Variants in ANKUB1 observed in about 807,000 individuals in gnomAD.
The protein encoded by ANKUB1 is protein ANKUB1.
In ANKUB1, 42 loss-of-function variants were observed where a neutral mutation model predicts 49.3. That is an observed-to-expected ratio of 0.85 (90% CI 0.67 to 1.10). The LOEUF is 1.10. ANKUB1 is among the 50% of genes least tolerant of loss of function. The pLI, the probability that ANKUB1 is intolerant of heterozygous loss-of-function variation, is 0.00. For missense variants in ANKUB1, 613 were observed against 642.0 expected (o/e 0.95, Z 0.49); for synonymous variants, 222 against 231.0 (o/e 0.96, Z 0.35).
chr3:149,761,511 A>G lies in ANKUB1; in HGVS notation c.1608T>C (p.Cys536=), dbSNP rs1277918805. 4 of 1,551,344 alleles carry G rather than the reference A, an allele frequency of 2.6e-6. No individual in the cohort carries two copies. Among genetic ancestry groups the G allele is most frequent in the Non-Finnish European group, 3.5e-6 (4 of 1,146,810 alleles). ...NLTTRGGLTA[C]ENSLETVL ...AAAGCACAGTTTCTAGAGAGTTTTC[A>G]CACGCTGTCAGACCTCCTCGGGTAG... The change falls in exon 6 of 6, where the codon TGT becomes TGC. Residue 536 remains cysteine (C), a synonymous_variant. Transcript: ENST00000446160.
chr3:149,768,099 A>G lies in ANKUB1; in HGVS notation c.567-4T>C, dbSNP rs1331522554. 2.2e-6 allele frequency: 3 copies of G among 1,349,868 alleles called. No individual in the cohort carries two copies. Among genetic ancestry groups the G allele is most frequent in the Non-Finnish European group, 1.9e-6 (2 of 1,041,168 alleles). 83.6% of individuals were successfully genotyped at this position (1,349,868 alleles called of 1,614,324 possible). A position where few individuals can be genotyped will look rare whatever the true frequency, so the allele number is the denominator to read the frequency against. The stretch of plus-strand genomic sequence containing the variant: ...CAGGGCTACCCTTTTCTGATACCTA[A>G]ATGAGTGAAACAAGTGGGGAGGGGG... On this transcript the variant is annotated splice_region_variant and splice_polypyrimidine_tract_variant and intron_variant, in intron 4 of 5. Coordinates refer to ENST00000446160, the MANE Select transcript of ANKUB1 (RefSeq NM_001144960.3).
chr3:149,784,432 A>C (rs1559870358), intron 2 of ANKUB1, among the ~76,000 whole-genome samples: 1 of 152,174 alleles, frequency 6.6e-6, no homozygotes, highest in Non-Finnish European at 1.5e-5. Context: ...GCAGAGAAGC[A>C]ACAGACACAG....
At chr3:149,766,248 GCACC>G (rs1004436558) in intron 5 of ANKUB1, among the ~76,000 whole-genome samples, 2 of 152,080 alleles carry the variant, frequency 1.3e-5, no homozygotes, top group Admixed American at 1.3e-4. Context: ...GTCAATTCTA[GCACC>G]CTGTCCAATA....
chr3:149,780,434 A>G lies in ANKUB1; in HGVS notation c.256T>C (p.Tyr86His), dbSNP rs377158470. ...TCTTGAGTTACAGCATTGAACACGT[A>G]TAGAGTAGGCTTGTCTTCTTCCTAA... ...FVKEEDKPTL[Y>H]VFNAVTQDTM... Residue 86 changes from tyrosine to histidine, a missense_variant, in exon 3 of 6, where the codon TAC (tyrosine) becomes CAC (histidine). Coordinates refer to ENST00000446160, the MANE Select transcript of ANKUB1 (RefSeq NM_001144960.3). The G allele has an allele frequency of 1.9e-6, 3 of 1,551,920 alleles. No individual in the cohort carries two copies. The highest frequency in any genetic ancestry group is 2.7e-5 in the African/African-American group (2 of 73,040).
chr3:149,777,549 A>G (rs548339331), intron 3 of ANKUB1, among the ~76,000 whole-genome samples: 2 of 152,300 alleles, frequency 1.3e-5, no homozygotes, highest in South Asian at 2.1e-4. Context: ...CTGCAGCCAC[A>G]GCAAGGCTGA....
chr3:149,766,638 G>GAA, intron 5 of ANKUB1: 12 of 455,248 alleles, frequency 2.6e-5, no homozygotes, highest in East Asian at 7.0e-5. Context: ...CATCTCTACA[G>GAA]AAAAAAAAAA....
At chr3:149,763,414 T>C (rs976144147) in intron 5 of ANKUB1, among the ~76,000 whole-genome samples, 14 of 152,194 alleles carry the variant, frequency 9.2e-5, no homozygotes, top group African/African-American at 3.4e-4. Context: ...ACTTACTCTA[T>C]GGCAAGCACT....
intron 3 of ANKUB1, among the ~76,000 whole-genome samples, chr3:149,776,041 C>T (rs1261289444): frequency 6.6e-6 from 1 of 152,092 alleles, no homozygotes. Flanking sequence ...GATATTCTAC[C>T]ACCAGAATTC....
intron 5 of ANKUB1, among the ~76,000 whole-genome samples, chr3:149,764,545 C>T (rs1285458489): frequency 6.6e-6 from 1 of 151,908 alleles, no homozygotes; most frequent in Non-Finnish European, 1.5e-5. Flanking sequence ...GCATTAATCC[C>T]TTCCTTCCTT....
rs538032090 is a variant in ANKUB1 at position 149,777,300 on chromosome 3, C to T, written c.451+2939G>A. ...CATCCTGGCCAACAGGGTGAAACCC[C>T]GTCTCTACTAAAATACAAAACATTA... On this transcript the variant is annotated intron_variant, in intron 3 of 5. Transcript: ENST00000446160. Among the ~76,000 whole-genome samples, 9 of 152,090 alleles carry T rather than the reference C, an allele frequency of 5.9e-5. No homozygotes were observed. In the South Asian group the frequency reaches 1.5e-3, roughly 25 times the overall value.
At position 149,770,599 on chromosome 3, in the gene ANKUB1, T is replaced by C; in HGVS notation, c.527A>G (p.Lys176Arg). The change falls in exon 4 of 6, where the codon AAA (lysine) becomes AGA (arginine). Residue 176 changes from lysine to arginine, a missense_variant. Transcript: ENST00000446160. ...LMGCLLGQKL[K>R]VQRYLSKEGP... ...TTCTTTTGATAAGTAGCGTTGGACTTTAAGTTTTTGTCCAAGGAGACAACC... is the reference window on the plus strand; with the variant it reads ...TTCTTTTGATAAGTAGCGTTGGACTCTAAGTTTTTGTCCAAGGAGACAACC... 6.4e-7 allele frequency: 1 copy of C among 1,550,408 alleles called. No individual in the cohort carries two copies. The highest frequency in any genetic ancestry group is 8.7e-7 in the Non-Finnish European group (1 of 1,146,534).
At chr3:149,789,546 T>G (rs573867239) in intron 2 of ANKUB1, among the ~76,000 whole-genome samples, 17 of 152,210 alleles carry the variant, frequency 1.1e-4, no homozygotes, top group Non-Finnish European at 1.9e-4. Context: ...AAATATGGTC[T>G]TTTGTTTACA....
At chr3:149,781,052 C>T (rs1218050787) in intron 2 of ANKUB1, among the ~76,000 whole-genome samples, 1 of 149,250 alleles carries the variant, frequency 6.7e-6, no homozygotes, top group African/African-American at 2.5e-5. Flanking sequence ...TCTCAAACTC[C>T]TGGGCTCAAG....
At chr3:149,791,787 C>G (rs1576687040) in intron 1 of ANKUB1, among the ~76,000 whole-genome samples, 2 of 152,174 alleles carry the variant, frequency 1.3e-5, no homozygotes, top group African/African-American at 4.8e-5. Flanking sequence ...GTAAGATAGT[C>G]AACCTCTCAG....
chr3:149,770,815 G>T (rs960295870), intron 3 of ANKUB1, 141 bp from the exon 4 acceptor site: 1 of 607,372 alleles, frequency 1.6e-6, no homozygotes. Context: ...AGGAGACAGG[G>T]ATGGTATTTT....
chr3:149,764,635 CCT>C (rs1485230322), intron 5 of ANKUB1, among the ~76,000 whole-genome samples: 13 of 58,276 alleles, frequency 2.2e-4, no homozygotes, highest in South Asian at 1.1e-3. Flanking sequence ...TTCCTCCCTT[CCT>C]CTCTCTTTCT....
Position 149,792,323 on chromosome 3 carries a change from T to G in ANKUB1, c.44A>C (p.Asp15Ala). 1 of 1,533,746 alleles carries G rather than the reference T, an allele frequency of 6.5e-7. No homozygotes were observed. Among genetic ancestry groups the G allele is most frequent in the Non-Finnish European group, 8.8e-7 (1 of 1,137,398 alleles). The change falls in exon 1 of 6, where the codon GAT (aspartate) becomes GCT (alanine). Residue 15 changes from aspartate (D) to alanine (A), a missense_variant. Coordinates refer to ENST00000446160, the MANE Select transcript of ANKUB1 (RefSeq NM_001144960.3). ...IAFEGSFEPF[D>A]VSADETVEVV... Reference sequence around the variant, plus strand: ...CTCCACAGTTTCATCTGCTGAAACATCAAACGGTTCAAAAGATCCTTCAAA... The same window carrying G: ...CTCCACAGTTTCATCTGCTGAAACAGCAAACGGTTCAAAAGATCCTTCAAA...
chr3:149,768,358 T>C (rs1717164462), intron 4 of ANKUB1, among the ~76,000 whole-genome samples: 1 of 152,130 alleles, frequency 6.6e-6, no homozygotes, highest in Non-Finnish European at 1.5e-5. Flanking sequence ...CCTCGAAAAA[T>C]ATCATGCATG....
At chr3:149,784,865 A>C (rs1559870538) in intron 2 of ANKUB1, among the ~76,000 whole-genome samples, 1 of 152,102 alleles carries the variant, frequency 6.6e-6, no homozygotes, top group Non-Finnish European at 1.5e-5. Flanking sequence ...CCATCTTGTT[A>C]ATTTCCATAC....
Sources: allele counts gnomAD v4.1 joint callset (sites outside exome capture counted in the v4.1 genomes callset), GRCh38; gene constraint gnomAD v4.1.1; transcripts MANE v1.5; gene names NCBI Gene and HGNC (gene_info 2026-07-23, HGNC 2026-07-21).